The following DHX8 variants were observed in gnomAD, a reference collection of about 807,000 sequenced individuals.
DHX8 encodes DEAH-box helicase 8.
DHX8 carries 67 observed loss-of-function variants against 140.7 expected under a neutral mutation model. That is an observed-to-expected ratio of 0.48 (90% CI 0.39 to 0.58). DHX8 has a LOEUF of 0.58. Ranked by LOEUF, DHX8 falls within the 20% of genes least tolerant of loss-of-function variation. The pLI, the probability that DHX8 is intolerant of heterozygous loss-of-function variation, is 0.00. For missense variants in DHX8, 887 were observed against 1,550.7 expected, an observed-to-expected ratio of 0.57 and a Z score of 7.19; for synonymous variants, 533 against 553.2, an observed-to-expected ratio of 0.96 and a Z score of 0.51.
At chr17:43,541,788 C>A (rs1971537332) in intron 3 of DHX8, among the ~76,000 whole-genome samples, 1 of 152,132 alleles carries the variant, frequency 6.6e-6, no homozygotes, top group African/African-American at 2.4e-5. Flanking sequence ...TGGAAGGAAC[C>A]AGTTCACTAG....
intron 17 of DHX8, 93 bp from the exon 18 acceptor site, chr17:43,517,074 G>C (rs1024021391): frequency 7.4e-7 from 1 of 1,355,942 alleles, no homozygotes; most frequent in South Asian, 1.6e-5. Context: ...GATTTTGCCA[G>C]TTGTTAATTG....
Position 43,493,160 on chromosome 17 carries a change from A to G in DHX8, c.863+120A>G, listed in dbSNP as rs777275840. The G allele has an allele frequency of 9.8e-5, 134 of 1,373,440 alleles. 1 individual carries two copies. The highest frequency in any genetic ancestry group is 5.2e-4 in the Middle Eastern group (2 of 3,816). 85.1% of individuals were successfully genotyped at this position (1,373,440 alleles called of 1,614,324 possible). ...GACACTTTAGTCAAATCAGCCATACATGGTTCTTAGAAATTGACTCTTTTG... is the reference window on the plus strand; with the variant it reads ...GACACTTTAGTCAAATCAGCCATACGTGGTTCTTAGAAATTGACTCTTTTG... On this transcript the variant is annotated intron_variant, in intron 6 of 22. Transcript: ENST00000262415.
chr17:43,519,171 A>C (rs373013681), intron 18 of DHX8: 3 of 152,296 alleles, frequency 2.0e-5, no homozygotes, highest in African/African-American at 7.2e-5. Context: ...CTATTAAGGA[A>C]CCACCAAACT....
At chr17:43,508,542 C>G in intron 16 of DHX8, 22 bp downstream of exon 16, 1 of 1,552,836 alleles carries the variant, frequency 6.4e-7, no homozygotes, top group Non-Finnish European at 8.9e-7. Context: ...AAAAATGAAG[C>G]TTCCATGTGC....
Position 43,513,469 on chromosome 17 carries a change from G to C in DHX8, c.2610G>C (p.Gly870=), listed in dbSNP as rs536170729. 1.9e-6 allele frequency: 3 copies of C among 1,613,824 alleles called. No homozygotes were observed. The highest frequency in any genetic ancestry group is 2.7e-5 in the African/African-American group (2 of 74,898). ...AGAAAGTTTACAATTCCAAGACAGG[G>C]ATTGACCAGCTCGTGGTGACGCCTA... ...VKQKVYNSKT[G]IDQLVVTPIS... is the part of the protein sequence containing the mutation. The change falls in exon 17 of 23, where the codon GGG becomes GGC. Residue 870 remains glycine, a synonymous_variant. Coordinates refer to ENST00000262415, the MANE Select transcript of DHX8 (RefSeq NM_004941.3).
intron 1 of DHX8, among the ~76,000 whole-genome samples, chr17:43,486,441 A>G (rs1437257474): frequency 6.6e-6 from 1 of 152,206 alleles, no homozygotes; most frequent in Admixed American, 6.5e-5. Context: ...GACAAATTCT[A>G]AAAGAACTGT....
At chr17:43,522,248 T>G (rs1272744820) in intron 22 of DHX8, 22 bp downstream of exon 22, 9 of 1,595,202 alleles carry the variant, frequency 5.6e-6, no homozygotes, top group Admixed American at 1.8e-5. Context: ...TGTCCCAGGG[T>G]CTAGGGGCTT....
In DHX8 at chr17:43,543,296, T is replaced by A. The variant is rs77211181; in HGVS notation, c.*21-866T>A. 7.5e-3 allele frequency among the ~76,000 whole-genome samples: 1,077 copies of A among 143,444 alleles called. 16 individuals carry two copies. In the East Asian group the frequency reaches 0.08, roughly 11 times the overall value. The allele number at this position is 143,444 out of a possible 152,430, so 94.1% of individuals were successfully genotyped here. ...CACACACTCTCTCTCTCTCTCTCTC[T>A]CACACACACACTTGCTGTCACACCG... On this transcript the variant is annotated intron_variant, in intron 3 of 3. Coordinates refer to the DHX8 transcript ENST00000589898.
intron 8 of DHX8, among the ~76,000 whole-genome samples, 196 bp downstream of exon 8, chr17:43,494,082 G>C (rs766279967): frequency 6.6e-6 from 1 of 152,196 alleles, no homozygotes; most frequent in East Asian, 1.9e-4. Context: ...AATTCCACTT[G>C]GTTGGGGAGG....
In DHX8 at chr17:43,507,950, G is replaced by T. The variant is rs374982672; in HGVS notation, c.2251G>T (p.Glu751Ter). The T allele has an allele frequency of 6.2e-7, 1 of 1,614,172 alleles. No individual in the cohort carries two copies. The highest frequency in any genetic ancestry group is 1.3e-5 in the African/African-American group (1 of 75,038). ...TYPVEILYTK[E>*]PETDYLDASL... ...TCCAGTGGAAATACTGTACACAAAGGAACCTGAGACAGATTATCTGGATGC... is the reference window on the plus strand; with the variant it reads ...TCCAGTGGAAATACTGTACACAAAGTAACCTGAGACAGATTATCTGGATGC... Residue 751 changes from glutamate (E) to a stop codon, truncating the protein, a stop_gained, in exon 15 of 23, where the codon GAA becomes TAA. Coordinates refer to ENST00000262415, the MANE Select transcript of DHX8 (RefSeq NM_004941.3). LOFTEE classifies it high-confidence loss of function.
At chr17:43,538,140 CAAAA>C (rs34924870) in intron 3 of DHX8, among the ~76,000 whole-genome samples, 2 of 110,742 alleles carry the variant, frequency 1.8e-5, no homozygotes, top group Non-Finnish European at 3.7e-5. Flanking sequence ...GACTCCATTT[CAAAA>C]AAAAAAAAAA....
rs920503533 is a variant in DHX8, at chr17:43,523,919, C to T, written c.*72C>T. 16 of 1,590,368 alleles carry T rather than the reference C, an allele frequency of 1.0e-5. No individual in the cohort carries two copies. The highest frequency in any genetic ancestry group is 1.8e-4 in the Middle Eastern group (1 of 5,692). On this transcript the variant is annotated 3_prime_UTR_variant, in exon 23 of 23. Coordinates refer to ENST00000262415, the MANE Select transcript of DHX8 (RefSeq NM_004941.3). Reference sequence around the variant, plus strand: ...TGGACTTATCGATGACAGGCTGGTCCTGAGGATACAGCTGTCCCGTGACTG... The same window carrying T: ...TGGACTTATCGATGACAGGCTGGTCTTGAGGATACAGCTGTCCCGTGACTG...
At chr17:43,543,909 G>A (rs1296816651) in intron 3 of DHX8, 1 of 152,126 alleles carries the variant, frequency 6.6e-6, no homozygotes, top group Non-Finnish European at 1.5e-5. Context: ...CTAGTCAGGG[G>A]TCATTTTCTT....
chr17:43,491,477 T>G (rs549033542), intron 4 of DHX8, among the ~76,000 whole-genome samples: 1 of 152,282 alleles, frequency 6.6e-6, no homozygotes, highest in African/African-American at 2.4e-5. Flanking sequence ...AAGTAGTGAT[T>G]AGGAATATGA....
Position 43,524,456 on chromosome 17 carries a change from G to A in DHX8, c.*609G>A. On this transcript the variant is annotated 3_prime_UTR_variant, in exon 23 of 23. Coordinates refer to ENST00000262415, the MANE Select transcript of DHX8 (RefSeq NM_004941.3). ...GAATCCCCTGAAACCAGAACGCAGG[G>A]CCTCTTTGCGCTCGGAAACGACGTA... is the stretch of plus-strand genomic sequence containing the variant. 1 of 987,358 alleles carries A rather than the reference G, an allele frequency of 1.0e-6. No homozygotes were observed. The highest frequency in any genetic ancestry group is 1.2e-6 in the Non-Finnish European group (1 of 831,364). 61.2% of individuals were successfully genotyped at this position (987,358 alleles called of 1,614,324 possible).
intron 17 of DHX8, among the ~76,000 whole-genome samples, chr17:43,515,324 G>T (rs1322985627): frequency 6.6e-6 from 1 of 152,164 alleles, no homozygotes; most frequent in Non-Finnish European, 1.5e-5. Flanking sequence ...AAGTAGCTGG[G>T]ACTACAGGCG....
chr17:43,508,245 C>G, intron 15 of DHX8, 94 bp from the exon 16 acceptor site: 1 of 1,488,022 alleles, frequency 6.7e-7, no homozygotes, highest in East Asian at 2.3e-5. Context: ...TGCATATGTT[C>G]TGTTATTTGA....
At chr17:43,528,841 A>G (rs1214237066), downstream of DHX8, 14 of 928,776 alleles carry the variant, frequency 1.5e-5, no homozygotes, top group Non-Finnish European at 2.0e-5. Flanking sequence ...CTACCAGTAC[A>G]GGCAGATGCT....
intron 18 of DHX8, chr17:43,519,525 T>TG (rs1048379625): frequency 2.0e-5 from 3 of 151,482 alleles, no homozygotes; most frequent in South Asian, 2.1e-4. Context: ...GTTTTTTGTT[T>TG]TTTTTTTTCT....
Sources: allele counts gnomAD v4.1 joint callset (sites outside exome capture counted in the v4.1 genomes callset), GRCh38; gene constraint gnomAD v4.1.1; transcripts MANE v1.5; gene names NCBI Gene and HGNC (gene_info 2026-07-23, HGNC 2026-07-21).